TBC1D2B: variants seen among roughly 807,000 people sequenced by gnomAD.
TBC1D2B encodes TBC1 domain family member 2B.
TBC1D2B carries 64 observed loss-of-function variants against 100.8 expected under a neutral mutation model. The observed-to-expected ratio is 0.64, with a 90% CI of 0.52 to 0.78. The LOEUF is 0.78. Among genes scored for constraint, TBC1D2B ranks in the 30% least tolerant of loss-of-function variants. TBC1D2B has a pLI of 0.00. For synonymous variants in TBC1D2B, 480 were observed against 479.7 expected, an observed-to-expected ratio of 1.00 and a Z score of -0.01; for missense variants, 1,052 against 1,218.4, an observed-to-expected ratio of 0.86 and a Z score of 2.03.
intron 10 of TBC1D2B, among the ~76,000 whole-genome samples, chr15:78,004,878 G>C (rs1046871718): frequency 3.3e-5 from 5 of 152,168 alleles, no homozygotes; most frequent in African/African-American, 1.2e-4. Flanking sequence ...CCACATGTAA[G>C]TGGACCCATG....
In TBC1D2B at chr15:78,077,392, G is replaced by T; in HGVS notation, c.261C>A (p.Ala87=). Residue 87 remains alanine (A), a synonymous_variant, in exon 1 of 13, where the codon GCC becomes GCA. Coordinates refer to ENST00000300584, the MANE Select transcript of TBC1D2B (RefSeq NM_144572.2). ...CGTCGGGGCCCTGGTAGCTGAAGCAGGCGTCCGCGATGTCCAAGTGGCCGA... is the reference window on the plus strand; with the variant it reads ...CGTCGGGGCCCTGGTAGCTGAAGCATGCGTCCGCGATGTCCAAGTGGCCGA... ...LPLGHLDIAD[A]CFSYQGPDEA... is the part of the protein sequence containing the mutation. 6.5e-7 allele frequency: 1 copy of T among 1,545,158 alleles called. No individual in the cohort carries two copies. The highest frequency in any genetic ancestry group is 8.7e-7 in the Non-Finnish European group (1 of 1,145,038).
intron 3 of TBC1D2B, among the ~76,000 whole-genome samples, chr15:78,030,713 T>C (rs1437799128): frequency 1.3e-5 from 2 of 152,142 alleles, no homozygotes; most frequent in African/African-American, 4.8e-5. Context: ...TGCCTACCCC[T>C]AACACCCAGT....
intron 10 of TBC1D2B, among the ~76,000 whole-genome samples, chr15:78,007,454 G>A (rs2141636938): frequency 6.6e-6 from 1 of 152,350 alleles, no homozygotes; most frequent in Admixed American, 6.5e-5. Context: ...GGTGACGACA[G>A]GGATACAGGG....
chr15:78,049,360 G>T (rs2073264474), intron 2 of TBC1D2B, among the ~76,000 whole-genome samples: 2 of 152,196 alleles, frequency 1.3e-5, no homozygotes, highest in Non-Finnish European at 2.9e-5. Context: ...TTGGTTAAAT[G>T]ACCAAATTAA....
chr15:78,028,341 G>C (rs1376000334), intron 4 of TBC1D2B, among the ~76,000 whole-genome samples: 3 of 152,144 alleles, frequency 2.0e-5, no homozygotes, highest in South Asian at 2.1e-4. Context: ...CAGGCATTGT[G>C]GTGGGCACCT....
chr15:78,045,358 T>C (rs2073173914), intron 2 of TBC1D2B, among the ~76,000 whole-genome samples: 1 of 152,166 alleles, frequency 6.6e-6, no homozygotes, highest in East Asian at 1.9e-4. Context: ...CCTCCAGTAC[T>C]GCAGACCAAT....
chr15:78,025,651 C>T (rs2072646117), intron 4 of TBC1D2B, 154 bp from the exon 5 acceptor site: 8 of 484,542 alleles, frequency 1.7e-5, no homozygotes, highest in East Asian at 4.0e-5. Context: ...CTCAGCCTCC[C>T]GAGTAGCTGG....
At chr15:78,020,556 C>T (rs960315584) in intron 6 of TBC1D2B, among the ~76,000 whole-genome samples, 1 of 152,188 alleles carries the variant, frequency 6.6e-6, no homozygotes, top group African/African-American at 2.4e-5. Context: ...CACTATTTCA[C>T]AGACAAATAC....
chr15:78,057,562 C>T (rs1272089061), intron 1 of TBC1D2B, among the ~76,000 whole-genome samples: 1 of 152,124 alleles, frequency 6.6e-6, no homozygotes, highest in African/African-American at 2.4e-5. Context: ...AGGAGAACTG[C>T]TTGAACCCAG....
Position 78,017,956 on chromosome 15 carries a change from T to G in TBC1D2B, c.1472A>C (p.Asp491Ala). 6.5e-7 allele frequency: 1 copy of G among 1,546,822 alleles called. No homozygotes were observed. The change falls in exon 7 of 13, where the codon GAT becomes GCT. Residue 491 changes from aspartate (D) to alanine (A), a missense_variant and splice_region_variant. Around this residue, in one of 4 missense-constraint regions of TBC1D2B, gnomAD observed 627 missense variants for 646.1 expected, o/e 0.97. Transcript: ENST00000300584. The part of the protein sequence containing the change: ...RDQLELDRLK[D>A]NLQGYKTQNK... ...TTGGGTTTTGTACCCCTGTAGATTATCCTGTTAGAAAAAAAAAAAATCCCT... is the reference window on the plus strand; with the variant it reads ...TTGGGTTTTGTACCCCTGTAGATTAGCCTGTTAGAAAAAAAAAAAATCCCT...
chr15:78,051,793 A>G (rs995693348), intron 2 of TBC1D2B, among the ~76,000 whole-genome samples: 2 of 152,226 alleles, frequency 1.3e-5, no homozygotes, highest in African/African-American at 2.4e-5. Context: ...AACACATCAC[A>G]ATTTATCTTT....
At chr15:78,055,681 AAGGATCTTTGGGTATTTTCATTAC>A (rs1220591470) in intron 1 of TBC1D2B, among the ~76,000 whole-genome samples, 1 of 152,196 alleles carries the variant, frequency 6.6e-6, no homozygotes, top group Non-Finnish European at 1.5e-5. Context: ...AGTTAAAGAA[AAGGATCTTTGGGTATTTTCATTAC>A]AGGATCTTTG....
At position 78,024,267 on chromosome 15, in the gene TBC1D2B, G is replaced by T; in HGVS notation, c.1359C>A (p.Val453=). The change falls in exon 6 of 13, where the codon GTC becomes GTA. Residue 453 remains valine, a synonymous_variant. Coordinates refer to ENST00000300584, the MANE Select transcript of TBC1D2B (RefSeq NM_144572.2). ...LMETIQAKDE[V]IIKLSEGEGN... ...CCTCGCCCTCGCTGAGCTTGATGAT[G>T]ACCTCGTCCTTGGCTTGGATGGTCT... The T allele has an allele frequency of 1.2e-6, 2 of 1,614,022 alleles. No individual in the cohort carries two copies. The highest frequency in any genetic ancestry group is 1.7e-6 in the Non-Finnish European group (2 of 1,179,896).
At chr15:78,030,450 C>T (rs1349668905) in intron 3 of TBC1D2B, among the ~76,000 whole-genome samples, 2 of 152,032 alleles carry the variant, frequency 1.3e-5, no homozygotes, top group Non-Finnish European at 2.9e-5. Flanking sequence ...TTACAGGCTG[C>T]ACCACCATGC....
chr15:78,025,228 G>C (rs2072628853), intron 5 of TBC1D2B, 31 bp downstream of exon 5: 1 of 1,591,500 alleles, frequency 6.3e-7, no homozygotes, highest in Non-Finnish European at 8.6e-7. Flanking sequence ...TGCTGAGGTG[G>C]GGTAAGACAG....
chr15:78,043,419 A>G (rs1010876795), intron 3 of TBC1D2B, among the ~76,000 whole-genome samples: 1 of 151,900 alleles, frequency 6.6e-6, no homozygotes, highest in African/African-American at 2.4e-5. Context: ...CTTTTTTTTG[A>G]GACAGGGTTT....
Position 78,018,126 on chromosome 15 carries a change from TG to T in TBC1D2B, c.1471-170del, listed in dbSNP as rs563875189. ...AAAGGCACTTCCTAATTAATCTTTT[TG>T]GCCATTTACAGTAGTAGAAGGCAGG... On this transcript the variant is annotated intron_variant, in intron 6 of 12. Coordinates refer to ENST00000300584, the MANE Select transcript of TBC1D2B (RefSeq NM_144572.2). Among the ~76,000 whole-genome samples the T allele has an allele frequency of 5.7e-3, 872 of 152,354 alleles. 8 individuals are homozygous for T. The highest frequency in any genetic ancestry group is 0.018 in the African/African-American group (751 of 41,580).
intron 3 of TBC1D2B, among the ~76,000 whole-genome samples, chr15:78,035,258 C>G (rs1335194042): frequency 6.6e-6 from 1 of 152,230 alleles, no homozygotes; most frequent in Non-Finnish European, 1.5e-5. Flanking sequence ...AAACCTCTTT[C>G]CGGTGGAGGT....
At chr15:78,037,935 TAACATCC>T (rs1207827708) in intron 3 of TBC1D2B, among the ~76,000 whole-genome samples, 38 of 152,234 alleles carry the variant, frequency 2.5e-4, no homozygotes, top group Admixed American at 1.3e-4. Context: ...TGTCAGAAGG[TAACATCC>T]TGCCCAGGAA....
Sources: gnomAD v4.1 joint callset for allele counts (sites outside exome capture counted in the v4.1 genomes callset) on GRCh38, gnomAD v4.1.1 for gene constraint, gnomAD v4.1.1 regional missense constraint, MANE v1.5 for transcripts, NCBI Gene and HGNC (gene_info 2026-07-23, HGNC 2026-07-21) for gene names.